Variants in PPHLN1 observed in about 807,000 individuals in gnomAD.
The protein encoded by PPHLN1 is periphilin-1.
A neutral mutation model predicts 51.3 loss-of-function variants in PPHLN1; 29 were observed. The observed-to-expected ratio is 0.57, with a 90% CI of 0.42 to 0.77. The LOEUF is 0.77. Ranked by LOEUF, PPHLN1 falls within the 30% of genes least tolerant of loss-of-function variation. The pLI is 0.00. For synonymous variants in PPHLN1, 147 were observed against 147.8 expected (o/e 0.99, Z 0.04); for missense variants, 436 against 438.4 (o/e 0.99, Z 0.05).
intron 4 of PPHLN1, chr12:42,359,323 G>A (rs181392419): frequency 6.6e-6 from 1 of 152,268 alleles, no homozygotes; most frequent in Non-Finnish European, 1.5e-5. Context: ...TATCTAATAT[G>A]TCAAATGCTC....
At chr12:42,428,818 T>A (rs1566016641) in intron 9 of PPHLN1, among the ~76,000 whole-genome samples, 1 of 138,442 alleles carries the variant, frequency 7.2e-6, no homozygotes, top group African/African-American at 2.9e-5. Flanking sequence ...CCTTTTTAAC[T>A]TCTTTTTTTT....
intron 1 of PPHLN1, among the ~76,000 whole-genome samples, chr12:42,333,627 C>T (rs930498922): frequency 6.6e-6 from 1 of 151,960 alleles, no homozygotes; most frequent in Non-Finnish European, 1.5e-5. Context: ...GGACTACAGG[C>T]GCCCGCCACC....
chr12:42,432,968 CCTA>C (rs755883102), intron 9 of PPHLN1: 134 of 1,467,660 alleles, frequency 9.1e-5, no homozygotes, highest in Non-Finnish European at 1.2e-4. Flanking sequence ...TCTGCATGCT[CCTA>C]CTGCTTTCTT....
intron 9 of PPHLN1, among the ~76,000 whole-genome samples, chr12:42,435,307 G>C (rs2082382992): frequency 6.6e-6 from 1 of 151,394 alleles, no homozygotes; most frequent in Non-Finnish European, 1.5e-5. Context: ...TTTTGTGGTT[G>C]TAATAATTTC....
chr12:42,369,036 G>A (rs2075552009), intron 4 of PPHLN1, among the ~76,000 whole-genome samples: 1 of 152,090 alleles, frequency 6.6e-6, no homozygotes, highest in African/African-American at 2.4e-5. Context: ...GTCTGTTTTT[G>A]TAAATAAAAT....
At chr12:42,347,742 C>T (rs10880292) in intron 2 of PPHLN1, among the ~76,000 whole-genome samples, 24,734 of 152,082 alleles carry the variant, frequency 0.16, 2,063 homozygotes, top group Admixed American at 0.2. Flanking sequence ...ATTGCACCAC[C>T]GCACTGTAGC....
At chr12:42,425,376 C>T (rs1247332717) in intron 9 of PPHLN1, among the ~76,000 whole-genome samples, 1 of 150,162 alleles carries the variant, frequency 6.7e-6, no homozygotes, top group Non-Finnish European at 1.5e-5. Context: ...CAGGCGTGAG[C>T]CACTGCGCCC....
chr12:42,426,661 A>G (rs2081526436), intron 9 of PPHLN1, among the ~76,000 whole-genome samples: 1 of 152,206 alleles, frequency 6.6e-6, no homozygotes, highest in Non-Finnish European at 1.5e-5. Flanking sequence ...AAGCAAATAA[A>G]AAGACCTTTA....
chr12:42,393,495 T>A, intron 7 of PPHLN1, 75 bp from the exon 8 acceptor site: 2 of 1,363,470 alleles, frequency 1.5e-6, no homozygotes, highest in South Asian at 1.6e-5. Context: ...TAAATGTAAG[T>A]GGAGTGTACT....
intron 9 of PPHLN1, among the ~76,000 whole-genome samples, chr12:42,430,890 A>ATTT (rs2081982991): frequency 6.6e-6 from 1 of 152,230 alleles, no homozygotes; most frequent in Admixed American, 6.5e-5. Flanking sequence ...AATTAAACAA[A>ATTT]ACAAGATAAA....
At chr12:42,341,226 G>T (rs189204506) in intron 2 of PPHLN1, among the ~76,000 whole-genome samples, 1 of 151,912 alleles carries the variant, frequency 6.6e-6, no homozygotes, top group South Asian at 2.1e-4. Flanking sequence ...CAGGTGATCC[G>T]CCTCGGCCTC....
At position 42,372,309 on chromosome 12, in the gene PPHLN1, A is replaced by T. The variant is rs1181408512; in HGVS notation, c.300-2554A>T. On this transcript the variant is annotated intron_variant, in intron 4 of 9. Coordinates refer to ENST00000358314, the MANE Select transcript of PPHLN1 (RefSeq NM_201439.2). The stretch of plus-strand genomic sequence containing the variant: ...CTGAGCTATTGACATTTGACACTTG[A>T]CATCCCCCAAGTGTATCCTGCCACC... Among the ~76,000 whole-genome samples, 4 of 152,160 alleles carry T rather than the reference A, an allele frequency of 2.6e-5. No individual in the cohort carries two copies. In the South Asian group the frequency reaches 6.2e-4, roughly 24 times the overall value.
intron 9 of PPHLN1, among the ~76,000 whole-genome samples, chr12:42,401,690 G>C (rs1351388114): frequency 6.6e-6 from 1 of 152,066 alleles, no homozygotes; most frequent in Admixed American, 6.6e-5. Flanking sequence ...CCTCAAAACT[G>C]GTCCCTGTTG....
chr12:42,327,579 G>A (rs2068997191), intron 1 of PPHLN1, among the ~76,000 whole-genome samples: 1 of 152,092 alleles, frequency 6.6e-6, no homozygotes, highest in South Asian at 2.1e-4. Flanking sequence ...TTACTTGAGG[G>A]GTATACCCTA....
intron 5 of PPHLN1, among the ~76,000 whole-genome samples, chr12:42,378,084 ATCTTTCTCTTTCTTTCTT>A (rs1170891583): frequency 4.8e-5 from 6 of 124,834 alleles, no homozygotes; most frequent in Non-Finnish European, 1.0e-4. Context: ...CTATCTATCT[ATCTTTCTCTTTCTTTCTT>A]TCTTTCTTTC....
chr12:42,432,151 G>C (rs1310028937), intron 9 of PPHLN1: 17 of 998,402 alleles, frequency 1.7e-5, no homozygotes, highest in Non-Finnish European at 2.6e-5. Flanking sequence ...CGGCTGTCTC[G>C]ATCATCTTCT....
At chr12:42,396,421 A>T (rs1350022515) in intron 8 of PPHLN1, among the ~76,000 whole-genome samples, 2 of 152,026 alleles carry the variant, frequency 1.3e-5, no homozygotes, top group African/African-American at 4.8e-5. Context: ...AGAAGGTTGC[A>T]GTCAAGTTTT....
chr12:42,344,423 G>C (rs1336418386), intron 2 of PPHLN1, among the ~76,000 whole-genome samples: 2 of 152,110 alleles, frequency 1.3e-5, no homozygotes, highest in Admixed American at 6.5e-5. Flanking sequence ...TTTTGTCTAT[G>C]CTTCTACCAC....
intron 9 of PPHLN1, among the ~76,000 whole-genome samples, chr12:42,428,194 G>A (rs1395807889): frequency 1.3e-5 from 2 of 152,138 alleles, no homozygotes; most frequent in South Asian, 4.1e-4. Flanking sequence ...TATGGAAAAC[G>A]GTGTGGAGAT....
Sources: gnomAD v4.1 joint callset for allele counts (sites outside exome capture counted in the v4.1 genomes callset) on GRCh38, gnomAD v4.1.1 for gene constraint, MANE v1.5 for transcripts, NCBI Gene and HGNC (gene_info 2026-07-23, HGNC 2026-07-21) for gene names.